The following DLGAP2 variants were observed in gnomAD, a reference collection of about 807,000 sequenced individuals.
The protein encoded by DLGAP2 is DLG associated protein 2, also known as disks large-associated protein 2.
DLGAP2 carries 26 observed loss-of-function variants against 100.3 expected under a neutral mutation model. The ratio of observed to expected loss-of-function variants is 0.26; its 90% CI spans 0.19 to 0.36. The LOEUF (loss-of-function observed/expected upper bound fraction) is 0.36, where lower values mean the gene tolerates loss of function less well. Ranked by LOEUF, DLGAP2 falls within the 10% of genes least tolerant of loss-of-function variation. The pLI, the probability that DLGAP2 is intolerant of heterozygous loss-of-function variation, is 1.00. For synonymous variants in DLGAP2, 886 were observed against 630.1 expected (o/e 1.41, Z -6.08); for missense variants, 1,858 against 1,453.2 (o/e 1.28, Z -4.53).
intron 3 of DLGAP2, among the ~76,000 whole-genome samples, chr8:1,453,250 G>A (rs751519539): frequency 5.3e-5 from 8 of 152,252 alleles, no homozygotes; most frequent in South Asian, 2.1e-4. Flanking sequence ...GGAATGGGCC[G>A]TGCTGGCCGG....
intron 1 of DLGAP2, among the ~76,000 whole-genome samples, chr8:871,583 C>G (rs894187853): frequency 1.3e-5 from 2 of 152,108 alleles, no homozygotes; most frequent in African/African-American, 4.8e-5. Context: ...TTCCAGCTTC[C>G]AAAACCTTTA....
At chr8:1,315,355 GAGCC>G (rs1800710943) in intron 3 of DLGAP2, among the ~76,000 whole-genome samples, 2 of 128,006 alleles carry the variant, frequency 1.6e-5, no homozygotes, top group African/African-American at 3.3e-5. Context: ...TTTAAAAATA[GAGCC>G]TATGCGAGTG....
At chr8:1,192,667 T>G (rs1399221276) in intron 2 of DLGAP2, among the ~76,000 whole-genome samples, 3 of 151,436 alleles carry the variant, frequency 2.0e-5, no homozygotes, top group Non-Finnish European at 4.4e-5. Flanking sequence ...TGGTTTCTTT[T>G]TTTTTTTTTT....
At chr8:1,204,843 A>C (rs1022056738) in intron 2 of DLGAP2, among the ~76,000 whole-genome samples, 3 of 152,206 alleles carry the variant, frequency 2.0e-5, no homozygotes, top group African/African-American at 7.2e-5. Context: ...AGGCTGAACT[A>C]AATTACAGAT....
chr8:1,589,931 C>A (rs147252572), intron 6 of DLGAP2, among the ~76,000 whole-genome samples: 8 of 152,160 alleles, frequency 5.3e-5, no homozygotes, highest in Non-Finnish European at 7.3e-5. Flanking sequence ...TAACAAAGTA[C>A]CACACACAGC....
chr8:1,195,431 A>G (rs941675473), intron 2 of DLGAP2, among the ~76,000 whole-genome samples: 1 of 152,238 alleles, frequency 6.6e-6, no homozygotes, highest in Non-Finnish European at 1.5e-5. Context: ...GTGTTTTTAA[A>G]TGGGAAACAG....
At chr8:1,340,644 A>G (rs555614812) in intron 3 of DLGAP2, among the ~76,000 whole-genome samples, 2 of 152,352 alleles carry the variant, frequency 1.3e-5, no homozygotes, top group South Asian at 4.1e-4. Context: ...GTGTAAAGTA[A>G]TTCAGCCACT....
intron 1 of DLGAP2, among the ~76,000 whole-genome samples, chr8:844,628 C>T (rs988135911): frequency 4.6e-5 from 7 of 152,236 alleles, no homozygotes; most frequent in East Asian, 3.9e-4. Flanking sequence ...AGGATCCCCA[C>T]TATGGGGACT....
intron 2 of DLGAP2, among the ~76,000 whole-genome samples, chr8:1,088,424 A>G (rs147179990): frequency 1.3e-5 from 2 of 152,148 alleles, no homozygotes; most frequent in African/African-American, 4.8e-5. Context: ...GCTGATTTCC[A>G]TCTTCTATGG....
At chr8:1,267,029 C>G (rs1351253293) in intron 3 of DLGAP2, among the ~76,000 whole-genome samples, 1 of 151,662 alleles carries the variant, frequency 6.6e-6, no homozygotes, top group Admixed American at 6.6e-5. Flanking sequence ...GAGGTCAAAA[C>G]CATCCTGGCT....
At chr8:930,893 A>G (rs761078653) in intron 2 of DLGAP2, among the ~76,000 whole-genome samples, 17 of 152,242 alleles carry the variant, frequency 1.1e-4, no homozygotes, top group African/African-American at 2.2e-4. Context: ...CTGGAACTGC[A>G]TGAATTGGGA....
chr8:1,251,545 T>C (rs1799040391), intron 2 of DLGAP2, among the ~76,000 whole-genome samples: 1 of 152,216 alleles, frequency 6.6e-6, no homozygotes, highest in Admixed American at 6.5e-5. Context: ...TTGGTGATTC[T>C]ACCTCGACCT....
At chr8:751,456 G>T (rs1178723388) in intron 1 of DLGAP2, among the ~76,000 whole-genome samples, 3 of 152,352 alleles carry the variant, frequency 2.0e-5, no homozygotes, top group African/African-American at 7.2e-5. Flanking sequence ...TCGTGACTCT[G>T]TGACCAGGCC....
At chr8:1,457,566 A>G (rs1358599829) in intron 3 of DLGAP2, among the ~76,000 whole-genome samples, 1 of 152,252 alleles carries the variant, frequency 6.6e-6, no homozygotes, top group Non-Finnish European at 1.5e-5. Flanking sequence ...CTGATAAGAC[A>G]GATGGTTCTT....
rs565139317 is a variant in DLGAP2, at chr8:1,241,677, G to A, written c.74-17174G>A. On this transcript the variant is annotated intron_variant, in intron 2 of 14. Transcript: ENST00000637795. ...CCAGTGGAAATGACTTGAATTAACT[G>A]TATAATTTTAATTTTTCAGGGCAAG... 2.8e-4 allele frequency among the ~76,000 whole-genome samples: 43 copies of A among 151,682 alleles called. 1 individual carries two copies. The South Asian group carries it at 8.9e-3, about 31-fold the overall frequency.
At chr8:1,212,947 T>G (rs148391788) in intron 2 of DLGAP2, among the ~76,000 whole-genome samples, 1 of 152,066 alleles carries the variant, frequency 6.6e-6, no homozygotes, top group Non-Finnish European at 1.5e-5. Flanking sequence ...ATCAGAAACA[T>G]TTCTTATGAG....
rs17063773 is a variant in DLGAP2 at position 1,292,654 on chromosome 8, C to T, written c.106+33771C>T. 5.9e-3 allele frequency among the ~76,000 whole-genome samples: 896 copies of T among 152,292 alleles called. 6 individuals carry two copies. The highest frequency in any genetic ancestry group is 0.021 in the African/African-American group (867 of 41,556). ...CATATTCTGTTACCCAATGTAACGG[C>T]CTCCGTCGCTCGGACGCTTTGTAGA... is the stretch of plus-strand genomic sequence containing the variant. On this transcript the variant is annotated intron_variant, in intron 3 of 14. Coordinates refer to ENST00000637795, the MANE Select transcript of DLGAP2 (RefSeq NM_001346810.2).
intron 1 of DLGAP2, among the ~76,000 whole-genome samples, chr8:860,680 A>G (rs1401351217): frequency 1.3e-5 from 2 of 152,228 alleles, no homozygotes; most frequent in Non-Finnish European, 2.9e-5. Flanking sequence ...TGTAAAGATG[A>G]TAAATGTCCT....
At chr8:1,155,727 C>G (rs1378955149) in intron 2 of DLGAP2, among the ~76,000 whole-genome samples, 2 of 152,194 alleles carry the variant, frequency 1.3e-5, no homozygotes, top group Non-Finnish European at 2.9e-5. Flanking sequence ...TCCCCGTCCG[C>G]GCGGGCTGCG....
Sources: allele counts gnomAD v4.1 joint callset (sites outside exome capture counted in the v4.1 genomes callset), GRCh38; gene constraint gnomAD v4.1.1; transcripts MANE v1.5; gene names NCBI Gene and HGNC (gene_info 2026-07-23, HGNC 2026-07-21).